KIAA1328: variants seen among roughly 807,000 people sequenced by gnomAD.
KIAA1328 encodes the protein protein hinderin.
KIAA1328 carries 52 observed loss-of-function variants against 68.1 expected under a neutral mutation model. The ratio of observed to expected loss-of-function variants is 0.76; its 90% confidence interval spans 0.61 to 0.96. The LOEUF (loss-of-function observed/expected upper bound fraction) is 0.96, where lower values mean the gene tolerates loss of function less well. KIAA1328 is among the 40% of genes least tolerant of loss of function. The pLI, the probability that KIAA1328 is intolerant of heterozygous loss-of-function variation, is 0.00. For missense variants in KIAA1328, 641 were observed against 677.6 expected, an observed-to-expected ratio of 0.95 and a Z score of 0.60; for synonymous variants, 232 against 239.4, an observed-to-expected ratio of 0.97 and a Z score of 0.28.
intron 4 of KIAA1328, among the ~76,000 whole-genome samples, chr18:36,879,797 G>T (rs559366370): frequency 6.6e-6 from 1 of 152,302 alleles, no homozygotes; most frequent in South Asian, 2.1e-4. Context: ...TCCACACCCA[G>T]TTCAAACTTC....
intron 5 of KIAA1328, among the ~76,000 whole-genome samples, chr18:36,944,843 CT>C (rs1015138019): frequency 6.6e-6 from 1 of 152,090 alleles, no homozygotes; most frequent in African/African-American, 2.4e-5. Context: ...TTAAAGAATA[CT>C]TGTCAAGAAT....
At chr18:37,156,900 T>C (rs181266249) in intron 7 of KIAA1328, among the ~76,000 whole-genome samples, 38 of 152,172 alleles carry the variant, frequency 2.5e-4, no homozygotes, top group African/African-American at 8.4e-4. Context: ...CTTGCAGATA[T>C]AGAGGTGTGG....
intron 6 of KIAA1328, among the ~76,000 whole-genome samples, chr18:36,990,078 G>C (rs189470544): frequency 6.6e-6 from 1 of 152,084 alleles, no homozygotes; most frequent in East Asian, 1.9e-4. Context: ...AGAAATATAT[G>C]GTGTCTTAAT....
chr18:36,879,584 G>T (rs2048261498), intron 4 of KIAA1328, among the ~76,000 whole-genome samples: 1 of 152,204 alleles, frequency 6.6e-6, no homozygotes, highest in African/African-American at 2.4e-5. Context: ...CCTCTCTTCA[G>T]AGCCAGCAGG....
chr18:36,908,760 C>T (rs2049314859), intron 5 of KIAA1328, among the ~76,000 whole-genome samples: 1 of 151,960 alleles, frequency 6.6e-6, no homozygotes, highest in Non-Finnish European at 1.5e-5. Context: ...TGTGTGAATC[C>T]AGAATATATA....
At chr18:36,955,009 C>T (rs972586935) in intron 5 of KIAA1328, among the ~76,000 whole-genome samples, 2 of 151,908 alleles carry the variant, frequency 1.3e-5, no homozygotes, top group East Asian at 3.9e-4. Flanking sequence ...CCTTTCTTCT[C>T]CTTTTGCAGC....
intron 6 of KIAA1328, among the ~76,000 whole-genome samples, chr18:37,044,585 C>CAGG (rs768224872): frequency 2.6e-5 from 4 of 151,952 alleles, no homozygotes; most frequent in Non-Finnish European, 5.9e-5. Context: ...ATCAACAGGT[C>CAGG]AGGAGTTCAA....
At chr18:36,912,466 A>G (rs1224588108) in intron 5 of KIAA1328, among the ~76,000 whole-genome samples, 1 of 152,116 alleles carries the variant, frequency 6.6e-6, no homozygotes, top group African/African-American at 2.4e-5. Context: ...GCTTACCCAG[A>G]TAATCTTCTC....
chr18:36,953,924 A>G (rs921513096), intron 5 of KIAA1328, among the ~76,000 whole-genome samples: 2 of 151,188 alleles, frequency 1.3e-5, no homozygotes, highest in Non-Finnish European at 2.9e-5. Context: ...CCCCTATGAC[A>G]CTGACCTTCT....
At chr18:37,043,204 T>C (rs1284044151) in intron 6 of KIAA1328, among the ~76,000 whole-genome samples, 1 of 152,236 alleles carries the variant, frequency 6.6e-6, no homozygotes, top group Admixed American at 6.5e-5. Context: ...TTATAGCTGC[T>C]TTGAAGTTTT....
chr18:36,996,215 C>T (rs1321439411), intron 6 of KIAA1328, among the ~76,000 whole-genome samples: 1 of 152,148 alleles, frequency 6.6e-6, no homozygotes, highest in South Asian at 2.1e-4. Context: ...ATCAGTACAA[C>T]AATAATAGTC....
At chr18:36,829,223 C>T (rs748312459) in intron 1 of KIAA1328, 27 bp downstream of exon 1, 47 of 1,497,090 alleles carry the variant, frequency 3.1e-5, no homozygotes, top group African/African-American at 7.2e-5. Flanking sequence ...TGACAGGGGG[C>T]GCCGGCGCCC....
intron 5 of KIAA1328, among the ~76,000 whole-genome samples, chr18:36,890,217 TTTC>T (rs1469954708): frequency 4.9e-4 from 73 of 149,604 alleles, no homozygotes; most frequent in African/African-American, 1.3e-3. Context: ...CTTTTTTTTC[TTTC>T]TTCTTCTTTT....
chr18:37,211,876 G>A lies in KIAA1328; in HGVS notation c.1524-10141G>A, dbSNP rs183579594. On this transcript the variant is annotated intron_variant, in intron 9 of 9. Transcript: ENST00000280020. The stretch of plus-strand genomic sequence containing the variant: ...TTATTGTTGCTCTGGATTTCAGTTT[G>A]CACCTCTAAAAGGTTTATTTCTGAT... 1.5e-3 allele frequency among the ~76,000 whole-genome samples: 225 copies of A among 152,214 alleles called. 1 individual carries two copies. The highest frequency in any genetic ancestry group is 5.1e-3 in the African/African-American group (212 of 41,542).
intron 1 of KIAA1328, among the ~76,000 whole-genome samples, chr18:36,832,463 C>T (rs1361277717): frequency 6.6e-6 from 1 of 151,688 alleles, no homozygotes; most frequent in African/African-American, 2.4e-5. Context: ...GCGGCGGGCA[C>T]CTGTAATCCC....
intron 5 of KIAA1328, among the ~76,000 whole-genome samples, chr18:36,916,542 T>C (rs2049707138): frequency 6.6e-6 from 1 of 152,124 alleles, no homozygotes; most frequent in Non-Finnish European, 1.5e-5. Flanking sequence ...AAAATCTGGG[T>C]CATTTTTGTT....
intron 4 of KIAA1328, among the ~76,000 whole-genome samples, chr18:36,883,130 C>G (rs1391395645): frequency 6.6e-6 from 1 of 152,128 alleles, no homozygotes; most frequent in East Asian, 1.9e-4. Flanking sequence ...CAAGATTTTA[C>G]CATTCTAAAC....
In KIAA1328 at chr18:36,829,152, C is replaced by G; in HGVS notation, c.14C>G (p.Ala5Gly). Reference protein sequence around the residue: MADVAGPSRPSAAAF... With the variant: MADVGGPSRPSAAAF... Reference sequence around the variant, plus strand: ...GGTTGTTTCAAGATGGCGGACGTGGCGGGCCCCTCCCGCCCCAGTGCCGCG... The same window carrying G: ...GGTTGTTTCAAGATGGCGGACGTGGGGGGCCCCTCCCGCCCCAGTGCCGCG... The change falls in exon 1 of 10, where the codon GCG (alanine) becomes GGG (glycine). Residue 5 changes from alanine to glycine, a missense_variant. Physicochemically the swap from Ala to Gly is moderately conservative, Grantham distance 60. Transcript: ENST00000280020. 6.5e-7 allele frequency: 1 copy of G among 1,533,520 alleles called. No individual in the cohort carries two copies. Among genetic ancestry groups the G allele is most frequent in the Non-Finnish European group, 8.8e-7 (1 of 1,142,110 alleles). The allele number at this position is 1,533,520 out of a possible 1,614,324, so 95.0% of individuals were successfully genotyped here. A position where few individuals can be genotyped will look rare whatever the true frequency, so the allele number is the denominator to read the frequency against.
chr18:37,065,019 A>G (rs1162626274), intron 6 of KIAA1328, among the ~76,000 whole-genome samples: 3 of 152,218 alleles, frequency 2.0e-5, no homozygotes, highest in African/African-American at 7.2e-5. Context: ...CTAATACAGT[A>G]GTTGTAATAT....
Sources: allele counts gnomAD v4.1 joint callset (sites outside exome capture counted in the v4.1 genomes callset), GRCh38; gene constraint gnomAD v4.1.1; transcripts MANE v1.5; gene names NCBI Gene and HGNC (gene_info 2026-07-23, HGNC 2026-07-21).